PCDHB1: variants seen among roughly 807,000 people sequenced by gnomAD.
PCDHB1 encodes protocadherin beta 1, also known as protocadherin beta-1.
A neutral mutation model predicts 43.5 loss-of-function variants in PCDHB1; 44 were observed. That is an observed-to-expected ratio of 1.01 (90% CI 0.79 to 1.30). PCDHB1 has a LOEUF of 1.30. Among genes scored for constraint, PCDHB1 ranks in the 50% most tolerant of loss-of-function variants. PCDHB1 has a pLI of 0.00. For synonymous variants in PCDHB1, 392 were observed against 400.8 expected (o/e 0.98, Z 0.26); for missense variants, 919 against 1,008.9 (o/e 0.91, Z 1.21).
At position 141,058,135 on chromosome 5, in the gene PCDHB1, C is replaced by T. The variant is rs1751170681; in HGVS notation, c.*4208C>T. ...TTAAGAAATTAACCTTGGTATAATT[C>T]TATGAAGTAAACTACAGATCTTATT... On this transcript the variant is annotated 3_prime_UTR_variant, in exon 1 of 1. Transcript: ENST00000306549. 1 of 152,276 alleles carries T rather than the reference C, an allele frequency of 6.6e-6. No individual in the cohort carries two copies. The highest frequency in any genetic ancestry group is 1.5e-5 in the Non-Finnish European group (1 of 68,016). The allele number at this position is 152,276 out of a possible 1,614,324, so 9.4% of individuals were successfully genotyped here. A position where few individuals can be genotyped will look rare whatever the true frequency, so the allele number is the denominator to read the frequency against.
Position 141,052,760 on chromosome 5 carries a change from T to C in PCDHB1, c.1290T>C (p.Pro430=). The C allele has an allele frequency of 6.2e-7, 1 of 1,614,148 alleles. No homozygotes were observed. The highest frequency in any genetic ancestry group is 8.5e-7 in the Non-Finnish European group (1 of 1,180,026). The change falls in exon 1 of 1, where the codon CCT becomes CCC. Residue 430 remains proline, a synonymous_variant. Coordinates refer to ENST00000306549, the MANE Select transcript of PCDHB1 (RefSeq NM_013340.4). The part of the protein sequence containing the change: ...ITIVAMDTGP[P]SLSAETMIEV... ...TTGTTGCCATGGATACTGGACCACC[T>C]AGCTTGTCTGCCGAGACTATGATAG...
rs201993759 is a variant in PCDHB1 at position 141,053,822 on chromosome 5, T to C, written c.2352T>C (p.Thr784=). 44 of 1,614,102 alleles carry C rather than the reference T, an allele frequency of 2.7e-5. No homozygotes were observed. Among genetic ancestry groups the C allele is most frequent in the Non-Finnish European group, 3.6e-5 (43 of 1,179,954 alleles). ...FMPNFPFPHA[T]GEIKMEAGSS... ...CCAACTTCCCTTTCCCTCATGCCACTGGGGAGATAAAAATGGAGGCTGGCT... is the reference window on the plus strand; with the variant it reads ...CCAACTTCCCTTTCCCTCATGCCACCGGGGAGATAAAAATGGAGGCTGGCT... Residue 784 remains threonine, a synonymous_variant, in exon 1 of 1, where the codon ACT becomes ACC. Coordinates refer to ENST00000306549, the MANE Select transcript of PCDHB1 (RefSeq NM_013340.4).
chr5:141,053,922 AT>A lies in PCDHB1; in HGVS notation c.2453del (p.Met818SerfsTer9). 6.2e-7 allele frequency: 1 copy of A among 1,606,254 alleles called. No individual in the cohort carries two copies. Among genetic ancestry groups the A allele is most frequent in the Non-Finnish European group, 8.5e-7 (1 of 1,175,164 alleles). ...EGHDQVSDDY[M>X] ...CCATGACCAGGTATCTGATGACTAT[AT>A]GTAGCTCCTATTTACAGGCTCAGTG... On this transcript the variant is annotated frameshift_variant, in exon 1 of 1. Transcript: ENST00000306549. LOFTEE classifies it high-confidence loss of function.
chr5:141,053,081 G>C lies in PCDHB1; in HGVS notation c.1611G>C (p.Gly537=), dbSNP rs782818866. Reference sequence around the variant, plus strand: ...AATTTGTGGTAAAGGCAACTGATGGGGGCTTCCTGTCACTGAGTAGCCAAG... The same window carrying C: ...AATTTGTGGTAAAGGCAACTGATGGCGGCTTCCTGTCACTGAGTAGCCAAG... ...DFQFVVKATD[G]GFLSLSSQVT... Residue 537 remains glycine (G), a synonymous_variant, in exon 1 of 1, where the codon GGG becomes GGC. Transcript: ENST00000306549. 3.8e-5 allele frequency: 61 copies of C among 1,614,076 alleles called. No individual in the cohort carries two copies. The highest frequency in any genetic ancestry group is 5.9e-6 in the Non-Finnish European group (7 of 1,180,046).
At position 141,053,231 on chromosome 5, in the gene PCDHB1, G is replaced by C; in HGVS notation, c.1761G>C (p.Val587=). The change falls in exon 1 of 1, where the codon GTG becomes GTC. Residue 587 remains valine (V), a synonymous_variant. Coordinates refer to ENST00000306549, the MANE Select transcript of PCDHB1 (RefSeq NM_013340.4). ...VPRSAEAGYL[V]TKVVAVDGDS... ...GGTCTGCAGAGGCAGGCTACCTAGT[G>C]ACCAAAGTGGTGGCTGTGGATGGTG... 1 of 1,614,212 alleles carries C rather than the reference G, an allele frequency of 6.2e-7. No individual in the cohort carries two copies. The highest frequency in any genetic ancestry group is 8.5e-7 in the Non-Finnish European group (1 of 1,180,034).
chr5:141,053,531 C>G lies in PCDHB1; in HGVS notation c.2061C>G (p.Ser687=), dbSNP rs1483036834. ...AGCATTCTAGAAAGGTAAATCCATC[C>G]ACTAAATATTTGGTCATTTCTCTGG... ...PTKHSRKVNP[S]TKYLVISLVI... The change falls in exon 1 of 1, where the codon TCC becomes TCG. Residue 687 remains serine (S), a synonymous_variant. Coordinates refer to ENST00000306549, the MANE Select transcript of PCDHB1 (RefSeq NM_013340.4). 1 of 1,614,034 alleles carries G rather than the reference C, an allele frequency of 6.2e-7. No individual in the cohort carries two copies. Among genetic ancestry groups the G allele is most frequent in the East Asian group, 2.2e-5 (1 of 44,900 alleles).
At position 141,059,045 on chromosome 5, in the gene PCDHB1, T is replaced by C. The variant is rs947148032; in HGVS notation, c.*5118T>C. ...ATTAGTATTTCTTTGTAACTCTACATGTTAGATTATTTTAAACAATCATAA... is the reference window on the plus strand; with the variant it reads ...ATTAGTATTTCTTTGTAACTCTACACGTTAGATTATTTTAAACAATCATAA... On this transcript the variant is annotated 3_prime_UTR_variant, in exon 1 of 1. Transcript: ENST00000306549. 1.3e-5 allele frequency: 2 copies of C among 152,184 alleles called. No individual in the cohort carries two copies. The highest frequency in any genetic ancestry group is 6.5e-5 in the Admixed American group (1 of 15,286). The allele number at this position is 152,184 out of a possible 1,614,324, so 9.4% of individuals were successfully genotyped here. A position where few individuals can be genotyped will look rare whatever the true frequency, so the allele number is the denominator to read the frequency against.
Position 141,054,307 on chromosome 5 carries a change from T to C in PCDHB1, c.*380T>C, listed in dbSNP as rs1751076375. 1.2e-5 allele frequency: 2 copies of C among 172,322 alleles called. No individual in the cohort carries two copies. Among genetic ancestry groups the C allele is most frequent in the Non-Finnish European group, 2.5e-5 (2 of 80,064 alleles). 10.7% of individuals were successfully genotyped at this position (172,322 alleles called of 1,614,324 possible). On this transcript the variant is annotated 3_prime_UTR_variant, in exon 1 of 1. Coordinates refer to ENST00000306549, the MANE Select transcript of PCDHB1 (RefSeq NM_013340.4). ...CTGGCCCAGGAAATACTTAGTTCCATAGAGAGATCCTTTTATTTGCCTCTA... is the reference window on the plus strand; with the variant it reads ...CTGGCCCAGGAAATACTTAGTTCCACAGAGAGATCCTTTTATTTGCCTCTA...
chr5:141,057,540 C>CAAAAAAAAAAAAAAAAAAAAAAAAAA lies in PCDHB1; in HGVS notation c.*3631_*3632insAAAAAAAAAAAAAAAAAAAAAAAAAA, dbSNP rs370497604. The CAAAAAAAAAAAAAAAAAAAAAAAAAA allele has an allele frequency of 6.4e-4, 46 of 72,158 alleles. No individual in the cohort carries two copies. The highest frequency in any genetic ancestry group is 9.0e-4 in the Non-Finnish European group (32 of 35,512). The allele number at this position is 72,158 out of a possible 1,614,324, so 4.5% of individuals were successfully genotyped here. ...CTGGCGACAAAGCAAGACTCTGTCTCAAAAAAAAAAAAAAAAAAGAAAAAA... is the reference window on the plus strand; with the variant it reads ...CTGGCGACAAAGCAAGACTCTGTCTCAAAAAAAAAAAAAAAAAAAAAAAAAAAAAAAAAAAAAAAAAAAAGAAAAAA... On this transcript the variant is annotated 3_prime_UTR_variant, in exon 1 of 1. Coordinates refer to ENST00000306549, the MANE Select transcript of PCDHB1 (RefSeq NM_013340.4).
chr5:141,053,550 T>A lies in PCDHB1; in HGVS notation c.2080T>A (p.Ser694Thr). 1 of 1,614,174 alleles carries A rather than the reference T, an allele frequency of 6.2e-7. No homozygotes were observed. Among genetic ancestry groups the A allele is most frequent in the Non-Finnish European group, 8.5e-7 (1 of 1,180,024 alleles). The part of the protein sequence containing the change: ...VNPSTKYLVI[S>T]LVILSFLFLL... ...TCCATCCACTAAATATTTGGTCATT[T>A]CTCTGGTCATCCTTTCCTTTCTCTT... Residue 694 changes from serine (S) to threonine (T), a missense_variant, in exon 1 of 1, where the codon TCT becomes ACT. Coordinates refer to ENST00000306549, the MANE Select transcript of PCDHB1 (RefSeq NM_013340.4).
chr5:141,056,379 A>G lies in PCDHB1; in HGVS notation c.*2452A>G, dbSNP rs1182635565. On this transcript the variant is annotated 3_prime_UTR_variant, in exon 1 of 1. Transcript: ENST00000306549. Reference sequence around the variant, plus strand: ...CTGGTGTAACCTATGGCTGCCTTCAATGTTAAAATGTTAAAGAACAGATGA... The same window carrying G: ...CTGGTGTAACCTATGGCTGCCTTCAGTGTTAAAATGTTAAAGAACAGATGA... 4 of 152,198 alleles carry G rather than the reference A, an allele frequency of 2.6e-5. No homozygotes were observed. The highest frequency in any genetic ancestry group is 5.9e-5 in the Non-Finnish European group (4 of 68,046). The allele number at this position is 152,198 out of a possible 1,614,324, so 9.4% of individuals were successfully genotyped here.
chr5:141,052,075 G>C lies in PCDHB1; in HGVS notation c.605G>C (p.Arg202Pro). ...CTGGTGCTGAACAAACCCCTGGACC[G>C]AGAGGAGCAGCCTGAAGTCAACTTG... is the stretch of plus-strand genomic sequence containing the variant. ...AELVLNKPLD[R>P]EEQPEVNLTI... Residue 202 changes from arginine to proline, a missense_variant, in exon 1 of 1, where the codon CGA becomes CCA. Transcript: ENST00000306549. 1.9e-6 allele frequency: 3 copies of C among 1,614,118 alleles called. No homozygotes were observed. The highest frequency in any genetic ancestry group is 2.5e-6 in the Non-Finnish European group (3 of 1,180,036).
chr5:141,051,775 G>C lies in PCDHB1; in HGVS notation c.305G>C (p.Cys102Ser). ...RESLCGKADP[C>S]VLHFEVVLVE... Reference sequence around the variant, plus strand: ...TCACTTTGTGGCAAAGCCGACCCTTGTGTTCTGCACTTTGAAGTAGTCCTG... The same window carrying C: ...TCACTTTGTGGCAAAGCCGACCCTTCTGTTCTGCACTTTGAAGTAGTCCTG... The change falls in exon 1 of 1, where the codon TGT (cysteine) becomes TCT (serine). Residue 102 changes from cysteine to serine, a missense_variant. Physicochemically the swap from Cys to Ser is moderately radical, Grantham distance 112. Coordinates refer to ENST00000306549, the MANE Select transcript of PCDHB1 (RefSeq NM_013340.4). 1 of 1,614,242 alleles carries C rather than the reference G, an allele frequency of 6.2e-7. No individual in the cohort carries two copies. The highest frequency in any genetic ancestry group is 1.3e-5 in the African/African-American group (1 of 75,066).
chr5:141,053,028 A>T lies in PCDHB1; in HGVS notation c.1558A>T (p.Met520Leu). 1 of 1,614,220 alleles carries T rather than the reference A, an allele frequency of 6.2e-7. No individual in the cohort carries two copies. The highest frequency in any genetic ancestry group is 8.5e-7 in the Non-Finnish European group (1 of 1,180,040). ...TGGGAAGCTCTACGCGCTGAGAACCATGGATTATGAGGCCATTCAAGATTT... is the reference window on the plus strand; with the variant it reads ...TGGGAAGCTCTACGCGCTGAGAACCTTGGATTATGAGGCCATTCAAGATTT... ...GNGKLYALRT[M>L]DYEAIQDFQF... Residue 520 changes from methionine (M) to leucine (L), a missense_variant, in exon 1 of 1, where the codon ATG (methionine) becomes TTG (leucine). Coordinates refer to ENST00000306549, the MANE Select transcript of PCDHB1 (RefSeq NM_013340.4).
chr5:141,053,672 T>C lies in PCDHB1; in HGVS notation c.2202T>C (p.Cys734=). The part of the protein sequence containing the change: ...FTIQEHFYDD[C]NFSNNLVQGQ... ...TTCAAGAGCATTTCTATGATGACTG[T>C]AATTTCTCTAACAACCTGGTACAAG... Residue 734 remains cysteine, a synonymous_variant, in exon 1 of 1, where the codon TGT becomes TGC. Transcript: ENST00000306549. The C allele has an allele frequency of 2.5e-6, 4 of 1,614,180 alleles. No homozygotes were observed. The highest frequency in any genetic ancestry group is 3.4e-6 in the Non-Finnish European group (4 of 1,179,984).
chr5:141,052,519 CCT>C lies in PCDHB1; in HGVS notation c.1052_1053del (p.Ser351CysfsTer7), dbSNP rs782425515. On this transcript the variant is annotated frameshift_variant, in exon 1 of 1. Transcript: ENST00000306549. LOFTEE classifies it high-confidence loss of function. The stretch of plus-strand genomic sequence containing the variant: ...GACAATCCTCCCGAAGTGATGGTCT[CCT>C]CTGTGTCCAGCCCACTCCCTGAAGA... The C allele has an allele frequency of 6.2e-7, 1 of 1,614,128 alleles. No homozygotes were observed. The highest frequency in any genetic ancestry group is 8.5e-7 in the Non-Finnish European group (1 of 1,180,022).
In PCDHB1 at chr5:141,051,389, G is replaced by A; in HGVS notation, c.-82G>A. 6.9e-7 allele frequency: 1 copy of A among 1,457,520 alleles called. No homozygotes were observed. The highest frequency in any genetic ancestry group is 9.5e-7 in the Non-Finnish European group (1 of 1,057,642). 90.3% of individuals were successfully genotyped at this position (1,457,520 alleles called of 1,614,324 possible). ...GAGGCTAGTGAAGCGGAGAGCAGCT[G>A]TTGCAGTAACCTGTTGCAGAAAAGT... On this transcript the variant is annotated 5_prime_UTR_variant, in exon 1 of 1. Coordinates refer to ENST00000306549, the MANE Select transcript of PCDHB1 (RefSeq NM_013340.4).
Position 141,052,848 on chromosome 5 carries a change from A to C in PCDHB1, c.1378A>C (p.Thr460Pro), listed in dbSNP as rs540058393. The C allele has an allele frequency of 1.2e-5, 19 of 1,614,198 alleles. No individual in the cohort carries two copies. The East Asian group carries it at 4.0e-4, about 34-fold the overall frequency. ...ATTTCGGGAAGATTCCTATATCTTG[A>C]CTGTTCGAGAAAACAACAGTCCTGC... The part of the protein sequence containing the change: ...PIFREDSYIL[T>P]VRENNSPAVF... The change falls in exon 1 of 1, where the codon ACT becomes CCT. Residue 460 changes from threonine to proline, a missense_variant. By Grantham distance (38) the Thr-to-Pro change is conservative. Coordinates refer to ENST00000306549, the MANE Select transcript of PCDHB1 (RefSeq NM_013340.4).
rs1750979764 is a variant in PCDHB1 at position 141,051,811 on chromosome 5, T to C, written c.341T>C (p.Leu114Pro). Residue 114 changes from leucine to proline, a missense_variant, in exon 1 of 1, where the codon CTG becomes CCG. Coordinates refer to ENST00000306549, the MANE Select transcript of PCDHB1 (RefSeq NM_013340.4). Reference sequence around the variant, plus strand: ...TTTGAAGTAGTCCTGGTGGAGCCGCTGCAGTCCTTCCGGGCCGAGGTCAGG... The same window carrying C: ...TTTGAAGTAGTCCTGGTGGAGCCGCCGCAGTCCTTCCGGGCCGAGGTCAGG... ...LHFEVVLVEP[L>P]QSFRAEVRVF... 3.1e-6 allele frequency: 5 copies of C among 1,614,232 alleles called. No homozygotes were observed. Among genetic ancestry groups the C allele is most frequent in the Non-Finnish European group, 4.2e-6 (5 of 1,180,034 alleles).
Sources: gnomAD v4.1 joint callset for allele counts on GRCh38, gnomAD v4.1.1 for gene constraint, MANE v1.5 for transcripts, NCBI Gene and HGNC (gene_info 2026-07-23, HGNC 2026-07-21) for gene names.